RRM2: variants seen among roughly 807,000 people sequenced by gnomAD.
RRM2 encodes the protein ribonucleotide reductase regulatory subunit M2.
Under a neutral mutation model 45.9 loss-of-function variants are expected in RRM2, and 6 were observed. The ratio of observed to expected loss-of-function variants is 0.13; its 90% CI spans 0.07 to 0.26. The LOEUF (loss-of-function observed/expected upper bound fraction) is 0.26, where lower values mean the gene tolerates loss of function less well. Among genes scored for constraint, RRM2 ranks in the 10% least tolerant of loss-of-function variants. RRM2 has a pLI of 1.00. For missense variants in RRM2, 343 were observed against 489.5 expected, an observed-to-expected ratio of 0.70 and a Z score of 2.82; for synonymous variants, 177 against 173.0, an observed-to-expected ratio of 1.02 and a Z score of -0.18.
chr2:10,133,355 C>T (rs1394440734), downstream of RRM2, among the ~76,000 whole-genome samples: 1 of 152,240 alleles, frequency 6.6e-6, no homozygotes, highest in Non-Finnish European at 1.5e-5. Flanking sequence ...CCAAAACCTC[C>T]CTTCACCTGG....
chr2:10,132,839 G>T (rs559798711), downstream of RRM2, among the ~76,000 whole-genome samples: 52 of 152,308 alleles, frequency 3.4e-4, no homozygotes, highest in African/African-American at 1.2e-3. Context: ...CCTCCCTGTG[G>T]GTGGCCTGCA....
intron 3 of RRM2, among the ~76,000 whole-genome samples, chr2:10,186,035 C>T (rs1664156537): frequency 6.6e-6 from 1 of 152,224 alleles, no homozygotes; most frequent in Non-Finnish European, 1.5e-5. Context: ...CAGAAATCTT[C>T]AATATCTTTA....
intron 3 of RRM2, among the ~76,000 whole-genome samples, chr2:10,148,890 C>T (rs1663246707): frequency 6.6e-6 from 1 of 152,120 alleles, no homozygotes; most frequent in African/African-American, 2.4e-5. Flanking sequence ...TCTCTGTAAT[C>T]TCTTTACACC....
intron 3 of RRM2, among the ~76,000 whole-genome samples, chr2:10,159,280 A>G (rs1181861475): frequency 6.6e-6 from 1 of 152,168 alleles, no homozygotes; most frequent in Non-Finnish European, 1.5e-5. Context: ...ACGATGAGCA[A>G]AGCCCCAGAG....
At chr2:10,206,056 C>G (rs1664658353) in intron 3 of RRM2, among the ~76,000 whole-genome samples, 1 of 151,984 alleles carries the variant, frequency 6.6e-6, no homozygotes, top group Non-Finnish European at 1.5e-5. Context: ...ACCATCCTGG[C>G]TAACATGGTG....
exon 4 of RRM2, chr2:10,210,848 G>A (rs1471720675): frequency 6.0e-6 from 2 of 332,030 alleles, no homozygotes; most frequent in East Asian, 1.6e-4. Context: ...ACCCATGCTG[G>A]GGTTGGTGCC....
Position 10,129,354 on chromosome 2 carries a change from G to A in RRM2, c.1138G>A (p.Glu380Lys). 6.2e-7 allele frequency: 1 copy of A among 1,613,312 alleles called. No homozygotes were observed. The highest frequency in any genetic ancestry group is 2.2e-5 in the East Asian group (1 of 44,880). Residue 380 changes from glutamate (E) to lysine (K), a missense_variant, in exon 10 of 10, where the codon GAG becomes AAG. Transcript: ENST00000304567. The surrounding 1 kb of genome is among the most constrained non-coding windows in gnomAD (Gnocchi z 4.8). ...GATGGGAGTGATGTCAAGTCCAACA[G>A]AGAATTCTTTTACCTTGGATGCTGA... ...QRMGVMSSPT[E>K]NSFTLDADF
chr2:10,200,401 C>T (rs1374645993), intron 3 of RRM2, among the ~76,000 whole-genome samples: 2 of 150,556 alleles, frequency 1.3e-5, no homozygotes, highest in Non-Finnish European at 3.0e-5. Flanking sequence ...ACAGGGACTG[C>T]GCGCACAAAA....
At chr2:10,128,810 G>T in intron 7 of RRM2, 38 bp from the exon 8 acceptor site, 1 of 1,384,376 alleles carries the variant, frequency 7.2e-7, no homozygotes, top group Non-Finnish European at 1.0e-6. Context: ...AATGACAGAA[G>T]TCTTCTGGCT....
intron 3 of RRM2, among the ~76,000 whole-genome samples, chr2:10,184,090 C>CA (rs1664114103): frequency 8.8e-5 from 1 of 11,380 alleles, no homozygotes; most frequent in African/African-American, 1.9e-4. Context: ...GAGACTCCAT[C>CA]TAAAAAAAAA....
rs986115671 is a variant in RRM2 at position 10,201,606 on chromosome 2, A to G, written n.483-8705A>G. Reference sequence around the variant, plus strand: ...AGCTGATCATAAAACCACCTTCTAAAGAGGACCAAAACAAGACAACAATTG... The same window carrying G: ...AGCTGATCATAAAACCACCTTCTAAGGAGGACCAAAACAAGACAACAATTG... On this transcript the variant is annotated intron_variant and non_coding_transcript_variant, in intron 3 of 3. Transcript: ENST00000381786. 2.0e-5 allele frequency among the ~76,000 whole-genome samples: 3 copies of G among 152,236 alleles called. No individual in the cohort carries two copies. In the South Asian group the frequency reaches 6.2e-4, roughly 31 times the overall value.
At chr2:10,209,420 A>G (rs1236829847) in intron 3 of RRM2, among the ~76,000 whole-genome samples, 1 of 151,552 alleles carries the variant, frequency 6.6e-6, no homozygotes, top group Non-Finnish European at 1.5e-5. Flanking sequence ...ACACCTCAGC[A>G]CCTCCATGTT....
At chr2:10,134,995 A>G (rs191607764), downstream of RRM2, among the ~76,000 whole-genome samples, 1 of 152,338 alleles carries the variant, frequency 6.6e-6, no homozygotes, top group East Asian at 1.9e-4. Flanking sequence ...AAGAACAATC[A>G]TTAAACGAAT....
chr2:10,198,715 C>G (rs918989188), intron 3 of RRM2: 1 of 152,142 alleles, frequency 6.6e-6, no homozygotes, highest in African/African-American at 2.4e-5. Flanking sequence ...GAGAATAAAC[C>G]TGAGAGGGGC....
chr2:10,131,124 T>G lies in RRM2; in HGVS notation c.*1738T>G, dbSNP rs761753577. The G allele has an allele frequency of 3.9e-5, 6 of 152,240 alleles. No individual in the cohort carries two copies. Among genetic ancestry groups the G allele is most frequent in the Non-Finnish European group, 8.8e-5 (6 of 68,040 alleles). 9.4% of individuals were successfully genotyped at this position (152,240 alleles called of 1,614,324 possible). A position where few individuals can be genotyped will look rare whatever the true frequency, so the allele number is the denominator to read the frequency against. On this transcript the variant is annotated 3_prime_UTR_variant, in exon 10 of 10. Coordinates refer to ENST00000304567, the MANE Select transcript of RRM2 (RefSeq NM_001034.4). The stretch of plus-strand genomic sequence containing the variant: ...AGACAATTTTTAAATCTCTGTAATA[T>G]GATACATTTTCCTATCTTTTAAGTT...
intron 3 of RRM2, among the ~76,000 whole-genome samples, chr2:10,200,335 G>A (rs953264355): frequency 1.3e-5 from 2 of 152,158 alleles, no homozygotes; most frequent in African/African-American, 4.8e-5. Context: ...ATAACCTGGG[G>A]TTCCTGGCCT....
At position 10,204,424 on chromosome 2, in the gene RRM2, G is replaced by A. The variant is rs957076325; in HGVS notation, n.483-5887G>A. Among the ~76,000 whole-genome samples, 3 of 152,172 alleles carry A rather than the reference G, an allele frequency of 2.0e-5. No individual in the cohort carries two copies. The highest frequency in any genetic ancestry group is 6.5e-5 in the Admixed American group (1 of 15,288). On this transcript the variant is annotated intron_variant and non_coding_transcript_variant, in intron 3 of 3. Coordinates refer to the RRM2 transcript ENST00000381786. This position sits in a 1 kb window ranked among gnomAD's most constrained non-coding sequence, Gnocchi z 4.0. ...GAAAATGGGGAGGAGAGGGAGGAACGGTTGGTGGGCAGCTGCCACTCTGTC... is the reference window on the plus strand; with the variant it reads ...GAAAATGGGGAGGAGAGGGAGGAACAGTTGGTGGGCAGCTGCCACTCTGTC...
At chr2:10,157,801 G>T (rs1297134522) in intron 3 of RRM2, among the ~76,000 whole-genome samples, 4 of 152,080 alleles carry the variant, frequency 2.6e-5, no homozygotes, top group Non-Finnish European at 5.9e-5. Flanking sequence ...GCTCAGTTTT[G>T]CTCCTTGCTC....
chr2:10,125,952 A>G (rs1662768622), intron 5 of RRM2, among the ~76,000 whole-genome samples: 2 of 152,086 alleles, frequency 1.3e-5, no homozygotes, highest in African/African-American at 4.8e-5. Context: ...CCTCAAAAAC[A>G]AGGGAGAGGC....
Sources: gnomAD v4.1 joint callset for allele counts (sites outside exome capture counted in the v4.1 genomes callset) on GRCh38, gnomAD v4.1.1 for gene constraint, Gnocchi (gnomAD v3.1) non-coding constraint, MANE v1.5 for transcripts, NCBI Gene and HGNC (gene_info 2026-07-23, HGNC 2026-07-21) for gene names.